The following LMF1 variants were observed in gnomAD, a reference collection of about 807,000 sequenced individuals.
LMF1 encodes lipase maturation factor 1.
Under a neutral mutation model 60.6 loss-of-function variants are expected in LMF1, and 68 were observed. That is an observed-to-expected ratio of 1.12 (90% confidence interval 0.92 to 1.37). The LOEUF (loss-of-function observed/expected upper bound fraction) is 1.37. Among genes scored for constraint, LMF1 ranks in the 40% most tolerant of loss-of-function variants. The probability of loss-of-function intolerance (pLI) is 0.00; values close to 1 mark genes in which losing one functional copy is unlikely to be tolerated. For missense variants in LMF1, 948 were observed against 767.2 expected (o/e 1.24, Z -2.78); for synonymous variants, 418 against 324.7 (o/e 1.29, Z -3.09).
intron 3 of LMF1, among the ~76,000 whole-genome samples, chr16:914,334 G>A (rs1351592943): frequency 1.3e-5 from 2 of 152,074 alleles, no homozygotes; most frequent in African/African-American, 4.8e-5. Context: ...TGGGGAGAAG[G>A]CTGGGCAGGC....
upstream of LMF1, among the ~76,000 whole-genome samples, chr16:971,391 C>CT (rs544266486): frequency 3.0e-4 from 46 of 152,378 alleles, no homozygotes; most frequent in South Asian, 7.5e-3. Flanking sequence ...CCTGGCGGTG[C>CT]TACCACTGCG....
chr16:940,799 A>G (rs2072080595), intron 2 of LMF1, among the ~76,000 whole-genome samples: 1 of 152,184 alleles, frequency 6.6e-6, no homozygotes, highest in African/African-American at 2.4e-5. Context: ...GGATTCATCA[A>G]TTATGTCAAA....
chr16:927,905 C>T (rs536845665), intron 3 of LMF1, among the ~76,000 whole-genome samples: 11 of 152,338 alleles, frequency 7.2e-5, no homozygotes, highest in Non-Finnish European at 1.3e-4. Context: ...GCCCCGCACA[C>T]GCACGGCGAC....
At chr16:869,442 T>C (rs74001086) in intron 9 of LMF1, 8,048 of 545,504 alleles carry the variant, frequency 0.015, 281 homozygotes, top group African/African-American at 0.087. Context: ...CCTTCTTTCC[T>C]GTTCGCTGAG....
intron 5 of LMF1, among the ~76,000 whole-genome samples, chr16:887,642 C>T (rs1464630871): frequency 6.6e-6 from 1 of 152,150 alleles, no homozygotes; most frequent in Non-Finnish European, 1.5e-5. Context: ...GAGAGGGCTG[C>T]TCTGTGTGGT....
chr16:930,730 G>T (rs901056829), intron 3 of LMF1, among the ~76,000 whole-genome samples: 1 of 152,210 alleles, frequency 6.6e-6, no homozygotes, highest in Admixed American at 6.5e-5. Context: ...CATGTCCCGG[G>T]GAGCCCACGC....
chr16:926,732 C>T (rs923357662), intron 3 of LMF1, among the ~76,000 whole-genome samples: 1 of 152,236 alleles, frequency 6.6e-6, no homozygotes, highest in African/African-American at 2.4e-5. Context: ...CCGGCATCCA[C>T]CCAGAGGCTT....
intron 9 of LMF1, 43 bp from the exon 10 acceptor site, chr16:869,099 G>A: frequency 7.7e-7 from 1 of 1,292,232 alleles, no homozygotes; most frequent in East Asian, 2.3e-5. Context: ...GCCACTCGCT[G>A]TCCAGGCACA....
chr16:943,447 TG>T (rs1437687302), intron 2 of LMF1, among the ~76,000 whole-genome samples: 1 of 148,252 alleles, frequency 6.7e-6, no homozygotes, highest in East Asian at 2.1e-4. Context: ...ACTACTAGGC[TG>T]GGTGTGGTAG....
intron 1 of LMF1, chr16:968,943 A>C (rs1167956912): frequency 6.6e-6 from 1 of 152,152 alleles, no homozygotes; most frequent in Non-Finnish European, 1.5e-5. Flanking sequence ...CTTTATCTCT[A>C]CTTCATCGTT....
At chr16:952,932 C>G (rs1297931023) in intron 2 of LMF1, among the ~76,000 whole-genome samples, 6 of 108,756 alleles carry the variant, frequency 5.5e-5, no homozygotes, top group South Asian at 3.0e-4. Flanking sequence ...CACAGACACC[C>G]ACCCCAAACC....
intron 1 of LMF1, chr16:976,610 G>A (rs1420312609): frequency 2.2e-6 from 1 of 454,126 alleles, no homozygotes; most frequent in South Asian, 1.6e-5. Flanking sequence ...TATCAGACGA[G>A]AAGTGCAGAG....
chr16:886,281 A>G (rs2151722406), intron 5 of LMF1, among the ~76,000 whole-genome samples: 1 of 152,246 alleles, frequency 6.6e-6, no homozygotes, highest in Admixed American at 6.5e-5. Context: ...CTGCGTGGGT[A>G]GAACAGCCGT....
Position 970,868 on chromosome 16 carries a change from G to T in LMF1, c.113C>A (p.Ala38Glu). 6.4e-7 allele frequency: 1 copy of T among 1,565,332 alleles called. No homozygotes were observed. The highest frequency in any genetic ancestry group is 8.6e-7 in the Non-Finnish European group (1 of 1,157,482). The change falls in exon 1 of 11, where the codon GCA (alanine) becomes GAA (glutamate). Residue 38 changes from alanine to glutamate, a missense_variant. Physicochemically the swap from Ala to Glu is moderately radical, Grantham distance 107. Transcript: ENST00000262301. ...ESPPAPGRGP[A>E]GSPAHLHTGT... ...CGTGTGGAGATGGGCCGGAGAGCCT[G>T]CGGGGCCACGCCCCGGCGCGGGCGG... is the stretch of plus-strand genomic sequence containing the variant.
At chr16:975,204 G>A (rs2073112321), upstream of LMF1, among the ~76,000 whole-genome samples, 1 of 152,196 alleles carries the variant, frequency 6.6e-6, no homozygotes, top group African/African-American at 2.4e-5. Context: ...AGAAGGAGAT[G>A]CGGCTCCATG....
In LMF1 at chr16:949,260, G is replaced by A. The variant is rs1467846148; in HGVS notation, c.503+5097C>T. On this transcript the variant is annotated intron_variant, in intron 2 of 10. Coordinates refer to ENST00000262301, the MANE Select transcript of LMF1 (RefSeq NM_022773.4). ...AGAGCCAACAACAGAGTCAGCCAAC[G>A]ACAGAGTCAGAGACAACGACAGAGT... is the stretch of plus-strand genomic sequence containing the variant. Among the ~76,000 whole-genome samples the A allele has an allele frequency of 4.8e-5, 7 of 145,092 alleles. 1 individual carries two copies. In the South Asian group the frequency reaches 1.1e-3, roughly 23 times the overall value.
At chr16:945,098 C>A (rs1036059332) in intron 2 of LMF1, among the ~76,000 whole-genome samples, 1 of 148,840 alleles carries the variant, frequency 6.7e-6, no homozygotes, top group African/African-American at 2.5e-5. Flanking sequence ...ATAATCCCAG[C>A]TACTTGGGAG....
chr16:955,503 C>T (rs112552907), intron 1 of LMF1, among the ~76,000 whole-genome samples: 2 of 101,354 alleles, frequency 2.0e-5, no homozygotes, highest in Admixed American at 1.0e-4. Context: ...AAACTAGACA[C>T]GTTACATAAA....
At chr16:934,001 C>T (rs2071866575) in intron 3 of LMF1, 1 of 1,477,208 alleles carries the variant, frequency 6.8e-7, no homozygotes. Context: ...CTGTGAGATG[C>T]CGACAATCAT....
Sources: allele counts gnomAD v4.1 joint callset (sites outside exome capture counted in the v4.1 genomes callset), GRCh38; gene constraint gnomAD v4.1.1; transcripts MANE v1.5; gene names NCBI Gene and HGNC (gene_info 2026-07-23, HGNC 2026-07-21).